The following RBM33 variants were observed in gnomAD, a reference collection of about 807,000 sequenced individuals.
RBM33 encodes the protein RNA binding motif protein 33.
In RBM33, 28 loss-of-function variants were observed where a neutral mutation model predicts 132.6. The ratio of observed to expected loss-of-function variants is 0.21; its 90% CI spans 0.16 to 0.29. The LOEUF (loss-of-function observed/expected upper bound fraction) is 0.29. Ranked by LOEUF, RBM33 falls within the 10% of genes least tolerant of loss-of-function variation. RBM33 has a pLI of 1.00. For missense variants in RBM33, 1,291 were observed against 1,518.5 expected (o/e 0.85, Z 2.49); for synonymous variants, 634 against 593.0 (o/e 1.07, Z -1.01).
intron 14 of RBM33, among the ~76,000 whole-genome samples, chr7:155,750,164 T>G (rs1359171895): frequency 2.0e-5 from 3 of 152,236 alleles, no homozygotes; most frequent in Non-Finnish European, 4.4e-5. Context: ...TTATATTTCA[T>G]GGAATGGTTC....
At position 155,680,441 on chromosome 7, in the gene RBM33, A is replaced by G. The variant is rs142695341; in HGVS notation, c.249-149A>G. On this transcript the variant is annotated intron_variant, in intron 4 of 17. Transcript: ENST00000401878. Reference sequence around the variant, plus strand: ...ACTGGCTCTGTATAGCATTTTGAGTACTGTTGGAGTTAATGTGCATTTGTC... The same window carrying G: ...ACTGGCTCTGTATAGCATTTTGAGTGCTGTTGGAGTTAATGTGCATTTGTC... 9.1e-5 allele frequency: 58 copies of G among 640,720 alleles called. No homozygotes were observed. The East Asian group carries it at 1.4e-3, about 16-fold the overall frequency. The allele number at this position is 640,720 out of a possible 1,614,324, so 39.7% of individuals were successfully genotyped here. A position where few individuals can be genotyped will look rare whatever the true frequency, so the allele number is the denominator to read the frequency against.
intron 12 of RBM33, 86 bp from the exon 13 acceptor site, chr7:155,741,733 T>C: frequency 1.6e-6 from 2 of 1,228,312 alleles, no homozygotes; most frequent in South Asian, 1.4e-5. Flanking sequence ...AATGATTTAT[T>C]GTGTTTTTAT....
chr7:155,710,908 A>AT (rs34296454), intron 7 of RBM33, among the ~76,000 whole-genome samples: 8,980 of 139,884 alleles, frequency 0.064, 279 homozygotes, highest in African/African-American at 0.081. Flanking sequence ...CCTGAACTGA[A>AT]TTTTTTTTTT....
chr7:155,752,239 G>T (rs1275601555), intron 14 of RBM33, among the ~76,000 whole-genome samples: 1 of 152,196 alleles, frequency 6.6e-6, no homozygotes, highest in Non-Finnish European at 1.5e-5. Flanking sequence ...TTAGAGTGGA[G>T]ATCTGGGAGC....
At chr7:155,715,091 A>G (rs952867847) in intron 8 of RBM33, among the ~76,000 whole-genome samples, 1 of 152,164 alleles carries the variant, frequency 6.6e-6, no homozygotes, top group South Asian at 2.1e-4. Flanking sequence ...AGCATCGCTC[A>G]TCCACACATC....
At chr7:155,718,598 G>C (rs1217797241) in intron 9 of RBM33, among the ~76,000 whole-genome samples, 155 bp downstream of exon 9, 1 of 152,198 alleles carries the variant, frequency 6.6e-6, no homozygotes, top group African/African-American at 2.4e-5. Context: ...TTTGTTAAAA[G>C]CTTAAGGTCA....
chr7:155,764,094 T>C (rs1563181849), intron 15 of RBM33, 76 bp downstream of exon 15: 1 of 1,157,598 alleles, frequency 8.6e-7, no homozygotes, highest in Non-Finnish European at 1.2e-6. Flanking sequence ...GTGCTCTAAT[T>C]TGTAGCGCAT....
At chr7:155,646,565 T>C (rs1190906144) in intron 1 of RBM33, among the ~76,000 whole-genome samples, 1 of 152,208 alleles carries the variant, frequency 6.6e-6, no homozygotes, top group African/African-American at 2.4e-5. Flanking sequence ...TCCTGGAAGT[T>C]CATCGCATGG....
At chr7:155,700,191 C>G (rs1256321402) in intron 5 of RBM33, among the ~76,000 whole-genome samples, 1 of 152,152 alleles carries the variant, frequency 6.6e-6, no homozygotes, top group African/African-American at 2.4e-5. Flanking sequence ...TTTCAATAGT[C>G]TCAGTCAAAG....
intron 3 of RBM33, among the ~76,000 whole-genome samples, chr7:155,677,972 C>T (rs1009745402): frequency 6.6e-6 from 1 of 152,096 alleles, no homozygotes. Context: ...TAACACCCCC[C>T]CAACCTAATC....
At chr7:155,714,213 G>T (rs1182307313) in intron 8 of RBM33, among the ~76,000 whole-genome samples, 1 of 152,218 alleles carries the variant, frequency 6.6e-6, no homozygotes, top group Non-Finnish European at 1.5e-5. Flanking sequence ...TAGGCAGGCA[G>T]TTGGGTTTAT....
chr7:155,645,020 C>T lies in RBM33; in HGVS notation c.43+101C>T, dbSNP rs540049302. 1.1e-5 allele frequency: 9 copies of T among 832,954 alleles called. No homozygotes were observed. The East Asian group carries it at 1.7e-4, about 15-fold the overall frequency. 51.6% of individuals were successfully genotyped at this position (832,954 alleles called of 1,614,324 possible). A position where few individuals can be genotyped will look rare whatever the true frequency, so the allele number is the denominator to read the frequency against. ...GCTTAGGAGAGGACGAGGCTCTCCC[C>T]GGCTCCGACTCTCTTTGTGTTCGGC... On this transcript the variant is annotated intron_variant, in intron 1 of 17. Transcript: ENST00000401878.
rs1391720569 is a variant in RBM33 at position 155,774,794 on chromosome 7, C to G, written c.3464+147C>G. 2.5e-6 allele frequency: 2 copies of G among 815,652 alleles called. No homozygotes were observed. The highest frequency in any genetic ancestry group is 1.5e-5 in the South Asian group (1 of 64,936). 50.5% of individuals were successfully genotyped at this position (815,652 alleles called of 1,614,324 possible). ...AGGGCACAAAGCGCAGACGGTGATC[C>G]TGTCATGAGGCGCGCGTCCTTTTGT... On this transcript the variant is annotated intron_variant, in intron 17 of 17. Transcript: ENST00000401878. This position sits in a 1 kb window ranked among gnomAD's most constrained non-coding sequence, Gnocchi z 4.2.
intron 9 of RBM33, among the ~76,000 whole-genome samples, 179 bp from the exon 10 acceptor site, chr7:155,737,351 C>CTGTGTG (rs1491453092): frequency 4.0e-5 from 4 of 99,434 alleles, no homozygotes; most frequent in African/African-American, 2.3e-4. Flanking sequence ...GGATGCATGA[C>CTGTGTG]TCTGTGTGTG....
At chr7:155,701,772 C>T (rs1799972572) in intron 6 of RBM33, among the ~76,000 whole-genome samples, 1 of 152,112 alleles carries the variant, frequency 6.6e-6, no homozygotes, top group Non-Finnish European at 1.5e-5. Flanking sequence ...ACAGCAACCA[C>T]CGCCTCCCAG....
rs187979833 is a variant in RBM33 at position 155,725,414 on chromosome 7, T to C, written c.1260+6971T>C. 2.6e-5 allele frequency among the ~76,000 whole-genome samples: 4 copies of C among 152,214 alleles called. No individual in the cohort carries two copies. In the East Asian group the frequency reaches 7.7e-4, roughly 29 times the overall value. On this transcript the variant is annotated intron_variant, in intron 9 of 17. Transcript: ENST00000401878. ...ATCAAATTGCTTAAGTTCACACAAC[T>C]GGGCGCAGGAGGGAGGACTGGAGGC...
In RBM33 at chr7:155,662,088, C is replaced by CCGAAGCTTCTGA. The variant is rs1424588012; in HGVS notation, c.44-3086_44-3075dup. 9.2e-5 allele frequency among the ~76,000 whole-genome samples: 14 copies of CCGAAGCTTCTGA among 152,222 alleles called. No individual in the cohort carries two copies. In the East Asian group the frequency reaches 2.7e-3, roughly 30 times the overall value. The stretch of plus-strand genomic sequence containing the variant: ...TTTTAATGAAGTGTTCACCCCTCCG[C>CCGAAGCTTCTGA]CGAAGCTTCTGATGTTGCTCCGCAG... On this transcript the variant is annotated intron_variant, in intron 1 of 17. Coordinates refer to ENST00000401878, the MANE Select transcript of RBM33 (RefSeq NM_053043.3).
intron 8 of RBM33, among the ~76,000 whole-genome samples, 167 bp downstream of exon 8, chr7:155,711,622 G>C (rs573463033): frequency 1.3e-5 from 2 of 152,272 alleles, no homozygotes; most frequent in South Asian, 4.1e-4. Flanking sequence ...TCCTGGGGTA[G>C]CAACATGCAT....
rs759348166 is a variant in RBM33 at position 155,745,279 on chromosome 7, G to A, written c.2656G>A (p.Val886Ile). The A allele has an allele frequency of 6.2e-6, 10 of 1,612,568 alleles. No homozygotes were observed. The East Asian group carries it at 6.7e-5, about 11-fold the overall frequency. The change falls in exon 14 of 18, where the codon GTT (valine) becomes ATT (isoleucine). Residue 886 changes from valine to isoleucine, a missense_variant. Physicochemically the swap from Val to Ile is conservative, Grantham distance 29 (BLOSUM62 3). Coordinates refer to ENST00000401878, the MANE Select transcript of RBM33 (RefSeq NM_053043.3). The surrounding 1 kb of genome is among the most constrained non-coding windows in gnomAD (Gnocchi z 4.1). ...VKNQDVSISNVQPKTSNFVPS... is the reference protein window; with the variant it reads ...VKNQDVSISNIQPKTSNFVPS... ...AAACCAGGATGTCAGTATTTCAAACGTTCAGCCCAAAACATCCAATTTTGT... is the reference window on the plus strand; with the variant it reads ...AAACCAGGATGTCAGTATTTCAAACATTCAGCCCAAAACATCCAATTTTGT...
Sources: gnomAD v4.1 joint callset for allele counts (sites outside exome capture counted in the v4.1 genomes callset) on GRCh38, gnomAD v4.1.1 for gene constraint, Gnocchi (gnomAD v3.1) non-coding constraint, MANE v1.5 for transcripts, NCBI Gene and HGNC (gene_info 2026-07-23, HGNC 2026-07-21) for gene names.